CYFIP1: variants seen among roughly 807,000 people sequenced by gnomAD.
CYFIP1 encodes the protein cytoplasmic FMR1-interacting protein 1.
Under a neutral mutation model 163.5 loss-of-function variants are expected in CYFIP1, and 58 were observed. The ratio of observed to expected loss-of-function variants is 0.35; its 90% CI spans 0.29 to 0.44. The LOEUF (loss-of-function observed/expected upper bound fraction) is 0.44. Ranked by LOEUF, CYFIP1 falls within the 20% of genes least tolerant of loss-of-function variation. CYFIP1 has a pLI of 1.00. For missense variants in CYFIP1, 1,338 were observed against 1,653.8 expected (o/e 0.81, Z 3.31); for synonymous variants, 663 against 660.7 (o/e 1.00, Z -0.05).
At chr15:22,883,816 C>CAAAAA (rs34623284) in intron 23 of CYFIP1, among the ~76,000 whole-genome samples, 1 of 74,916 alleles carries the variant, frequency 1.3e-5, no homozygotes, top group Non-Finnish European at 2.7e-5. Flanking sequence ...GACTTCATCT[C>CAAAAA]AAAAAAAAAA....
rs543920243 is a variant in CYFIP1, at chr15:22,918,953, C to T, written c.1360-95G>A. On this transcript the variant is annotated intron_variant, in intron 13 of 30. Transcript: ENST00000617928. ...GCCGGGGGCTGCTCCTCCTCGCCCA[C>T]AGCACCTTACGCCCTCCCGCGTTCG... 2.0e-4 allele frequency: 201 copies of T among 990,142 alleles called. 1 individual carries two copies. The Middle Eastern group carries it at 2.3e-3, about 12-fold the overall frequency. 61.3% of individuals were successfully genotyped at this position (990,142 alleles called of 1,614,324 possible). A position where few individuals can be genotyped will look rare whatever the true frequency, so the allele number is the denominator to read the frequency against.
chr15:22,903,545 G>A (rs1381687460), intron 22 of CYFIP1, among the ~76,000 whole-genome samples, 161 bp downstream of exon 22: 3 of 152,224 alleles, frequency 2.0e-5, no homozygotes, highest in Admixed American at 6.5e-5. Context: ...GGCTGCCTGT[G>A]CACACAGAAG....
intron 23 of CYFIP1, among the ~76,000 whole-genome samples, chr15:22,885,487 C>T (rs140124188): frequency 5.6e-4 from 85 of 152,262 alleles, no homozygotes; most frequent in Admixed American, 2.4e-3. Context: ...AATCCTAGCA[C>T]GTTGGGAGGC....
In CYFIP1 at chr15:22,933,815, C is replaced by G. The variant is rs1473149215; in HGVS notation, c.979G>C (p.Glu327Gln). The G allele has an allele frequency of 6.2e-7, 1 of 1,612,830 alleles. No individual in the cohort carries two copies. Among genetic ancestry groups the G allele is most frequent in the Non-Finnish European group, 8.5e-7 (1 of 1,179,526 alleles). Residue 327 changes from glutamate to glutamine, a missense_variant, in exon 10 of 31, where the codon GAA becomes CAA. Transcript: ENST00000617928. ...RYIKTSAHYE[E>Q]NKSRWTCTSS... is the part of the protein sequence containing the mutation. ...CTCTCCTCCTACCGAGATTTATTTT[C>G]CTCGTAGTGGGCGCTGGTCTTGATA...
intron 13 of CYFIP1, among the ~76,000 whole-genome samples, chr15:22,924,361 T>G (rs2061293035): frequency 6.6e-6 from 1 of 152,234 alleles, no homozygotes; most frequent in South Asian, 2.1e-4. Context: ...GAGGGAGAAG[T>G]TGCAGTAAGC....
At chr15:22,962,856 T>C (rs1457954801) in intron 1 of CYFIP1, among the ~76,000 whole-genome samples, 6 of 152,204 alleles carry the variant, frequency 3.9e-5, no homozygotes, top group Non-Finnish European at 8.8e-5. Flanking sequence ...AGCACCATGT[T>C]GACGTGTGCG....
chr15:22,873,812 G>T, intron 28 of CYFIP1, 83 bp from the exon 29 acceptor site: 1 of 1,249,400 alleles, frequency 8.0e-7, no homozygotes, highest in Admixed American at 1.9e-5. Flanking sequence ...TTTCTCTTGA[G>T]ACAGGGTCTT....
At chr15:22,902,718 G>A (rs2060436014) in intron 22 of CYFIP1, among the ~76,000 whole-genome samples, 1 of 152,216 alleles carries the variant, frequency 6.6e-6, no homozygotes, top group African/African-American at 2.4e-5. Flanking sequence ...GCTGCCACCT[G>A]CAGCCCAGAG....
intron 1 of CYFIP1, among the ~76,000 whole-genome samples, chr15:22,959,718 C>T (rs540777000): frequency 6.6e-6 from 1 of 152,188 alleles, no homozygotes; most frequent in Non-Finnish European, 1.5e-5. Flanking sequence ...CCCAACAGAC[C>T]GTGTATCTGC....
chr15:22,962,501 C>T (rs2062719487), intron 1 of CYFIP1, among the ~76,000 whole-genome samples: 1 of 151,670 alleles, frequency 6.6e-6, no homozygotes, highest in Non-Finnish European at 1.5e-5. Context: ...CTGGTTCAAG[C>T]TATTCTCGTG....
At chr15:22,962,401 C>T (rs1363311929) in intron 1 of CYFIP1, among the ~76,000 whole-genome samples, 3 of 142,748 alleles carry the variant, frequency 2.1e-5, no homozygotes, top group African/African-American at 7.9e-5. Flanking sequence ...TCTTTTTTTT[C>T]TTTTTTTTTT....
intron 23 of CYFIP1, among the ~76,000 whole-genome samples, chr15:22,887,904 G>C (rs532206434): frequency 6.6e-6 from 1 of 152,278 alleles, no homozygotes; most frequent in East Asian, 1.9e-4. Flanking sequence ...GACAAGCAGA[G>C]AAGGTGGGTC....
At chr15:22,888,733 CA>C (rs398026554) in intron 23 of CYFIP1, among the ~76,000 whole-genome samples, 99 of 138,164 alleles carry the variant, frequency 7.2e-4, no homozygotes, top group Middle Eastern at 4.1e-3. Context: ...AACCCTGTCT[CA>C]AAAAAAAAAA....
intron 25 of CYFIP1, 80 bp downstream of exon 25, chr15:22,881,766 C>T: frequency 7.3e-7 from 1 of 1,367,720 alleles, no homozygotes; most frequent in African/African-American, 1.4e-5. Flanking sequence ...CAAATCTAAT[C>T]CTTCTCAAGA....
intron 14 of CYFIP1, 33 bp downstream of exon 14, chr15:22,918,659 G>A (rs2061078073): frequency 1.3e-6 from 2 of 1,520,892 alleles, no homozygotes; most frequent in East Asian, 4.7e-5. Flanking sequence ...GGACGTGTGG[G>A]CACAGCGGGC....
At chr15:22,963,554 CATAAGAAAG>C (rs1285583840) in intron 1 of CYFIP1, among the ~76,000 whole-genome samples, 1 of 104,692 alleles carries the variant, frequency 9.6e-6, no homozygotes, top group Non-Finnish European at 2.2e-5. Context: ...CATAACATAA[CATAAGAAAG>C]AATGAAATAT....
intron 1 of CYFIP1, among the ~76,000 whole-genome samples, chr15:22,965,790 C>T (rs951328383): frequency 6.6e-6 from 1 of 152,104 alleles, no homozygotes; most frequent in African/African-American, 2.4e-5. Context: ...GCCCTGGTGT[C>T]CCCAGAGCAG....
intron 21 of CYFIP1, among the ~76,000 whole-genome samples, chr15:22,907,205 C>T (rs987398090): frequency 6.6e-6 from 1 of 152,230 alleles, no homozygotes; most frequent in Non-Finnish European, 1.5e-5. Context: ...AACCTGTTCT[C>T]ATCTCAGGCA....
At position 22,944,561 on chromosome 15, in the gene CYFIP1, G is replaced by A. The variant is rs377250174; in HGVS notation, c.384C>T (p.Phe128=). The A allele has an allele frequency of 4.5e-5, 73 of 1,608,298 alleles. No individual in the cohort carries two copies. The highest frequency in any genetic ancestry group is 6.1e-5 in the Non-Finnish European group (72 of 1,175,478). The stretch of plus-strand genomic sequence containing the variant: ...CCCAGATTATTTGCCATTTTACCTG[G>A]AAGTACATGAAATTCATCAGTTTTG... The part of the protein sequence containing the change: ...EVTKLMNFMY[F]QRNAIERFCG... Residue 128 remains phenylalanine (F), a synonymous_variant, in exon 5 of 31, where the codon TTC becomes TTT. Transcript: ENST00000617928.
Sources: allele counts gnomAD v4.1 joint callset (sites outside exome capture counted in the v4.1 genomes callset), GRCh38; gene constraint gnomAD v4.1.1; transcripts MANE v1.5; gene names NCBI Gene and HGNC (gene_info 2026-07-23, HGNC 2026-07-21).